The following SCLT1 variants were observed in gnomAD, a reference collection of about 807,000 sequenced individuals.
The protein encoded by SCLT1 is sodium channel-associated protein 1.
In SCLT1, 78 loss-of-function variants were observed where a neutral mutation model predicts 112.8. That is an observed-to-expected ratio of 0.69 (90% confidence interval 0.58 to 0.83). SCLT1 has a LOEUF of 0.83. Among genes scored for constraint, SCLT1 ranks in the 40% least tolerant of loss-of-function variants. SCLT1 has a pLI of 0.00. For synonymous variants in SCLT1, 257 were observed against 254.7 expected (o/e 1.01, Z -0.09); for missense variants, 747 against 770.4 (o/e 0.97, Z 0.36).
At chr4:128,963,314 T>G (rs1739900700) in intron 11 of SCLT1, among the ~76,000 whole-genome samples, 1 of 152,198 alleles carries the variant, frequency 6.6e-6, no homozygotes, top group Admixed American at 6.5e-5. Context: ...TGATAATCCT[T>G]TGTATTTGTT....
At chr4:129,041,707 T>G (rs902776461) in intron 4 of SCLT1, 1 of 152,190 alleles carries the variant, frequency 6.6e-6, no homozygotes, top group Non-Finnish European at 1.5e-5. Context: ...CACAGGCTGA[T>G]TCTGAGGAAA....
intron 19 of SCLT1, among the ~76,000 whole-genome samples, chr4:128,890,558 AAG>A (rs1733230129): frequency 6.6e-6 from 1 of 152,186 alleles, no homozygotes; most frequent in Admixed American, 6.5e-5. Flanking sequence ...ACATCAAATG[AAG>A]AGATCTAAAA....
intron 5 of SCLT1, among the ~76,000 whole-genome samples, chr4:129,015,208 C>T (rs1304715408): frequency 6.6e-6 from 1 of 152,044 alleles, no homozygotes; most frequent in South Asian, 2.1e-4. Flanking sequence ...AACCTGCCCG[C>T]ACAGACATGT....
chr4:129,071,193 T>C (rs940253528), intron 2 of SCLT1, among the ~76,000 whole-genome samples: 1 of 152,138 alleles, frequency 6.6e-6, no homozygotes, highest in African/African-American at 2.4e-5. Context: ...TTTTATGGTC[T>C]ATTGTATGGT....
intron 18 of SCLT1, among the ~76,000 whole-genome samples, chr4:128,917,302 C>T (rs1674975): frequency 0.73 from 110,450 of 151,948 alleles, 40,450 homozygotes; most frequent in African/African-American, 0.82. Flanking sequence ...CACCATCTCA[C>T]ACAAAGTAAT....
At chr4:129,090,744 C>T (rs1041663366) in intron 1 of SCLT1, among the ~76,000 whole-genome samples, 2 of 152,130 alleles carry the variant, frequency 1.3e-5, no homozygotes, top group Non-Finnish European at 2.9e-5. Flanking sequence ...ATGCAAGTAC[C>T]TCTTTGAACA....
At chr4:128,998,227 G>T (rs376997502) in intron 7 of SCLT1, among the ~76,000 whole-genome samples, 2 of 151,854 alleles carry the variant, frequency 1.3e-5, no homozygotes, top group South Asian at 2.1e-4. Context: ...TGAAGAAAGA[G>T]ATCATAAAAA....
intron 14 of SCLT1, among the ~76,000 whole-genome samples, chr4:128,950,264 G>C (rs1738608155): frequency 6.6e-6 from 1 of 152,032 alleles, no homozygotes; most frequent in African/African-American, 2.4e-5. Context: ...TTCTGGGGCT[G>C]GCAAGTGGTA....
At chr4:128,884,633 T>C (rs1005213726) in intron 20 of SCLT1, 94 bp from the exon 21 acceptor site, 8 of 763,006 alleles carry the variant, frequency 1.0e-5, no homozygotes, top group African/African-American at 5.3e-5. Flanking sequence ...CTATAAGTAC[T>C]GAAATGGTCT....
At chr4:128,945,441 A>G (rs1469819396) in intron 16 of SCLT1, among the ~76,000 whole-genome samples, 1 of 152,194 alleles carries the variant, frequency 6.6e-6, no homozygotes, top group Non-Finnish European at 1.5e-5. Flanking sequence ...AAGATCTCTT[A>G]CTAAAAAAAA....
intron 1 of SCLT1, among the ~76,000 whole-genome samples, chr4:129,091,034 C>T (rs59089843): frequency 1.3e-5 from 2 of 151,994 alleles, no homozygotes; most frequent in South Asian, 4.2e-4. Context: ...AACAAAGAGA[C>T]AATCAAGATC....
intron 13 of SCLT1, among the ~76,000 whole-genome samples, chr4:128,953,603 G>GCTAA (rs1436403131): frequency 6.6e-6 from 1 of 151,874 alleles, no homozygotes; most frequent in Non-Finnish European, 1.5e-5. Flanking sequence ...GACCATTCTG[G>GCTAA]CTAACACAGT....
chr4:128,910,045 T>C (rs1209086306), intron 18 of SCLT1, among the ~76,000 whole-genome samples: 1 of 152,310 alleles, frequency 6.6e-6, no homozygotes, highest in South Asian at 2.1e-4. Flanking sequence ...TAGTTAAAGA[T>C]GTGAGGGCCC....
intron 5 of SCLT1, among the ~76,000 whole-genome samples, chr4:129,025,106 C>G (rs1289238083): frequency 6.6e-6 from 1 of 152,132 alleles, no homozygotes; most frequent in Non-Finnish European, 1.5e-5. Context: ...GAGAATGGAA[C>G]CAAGTTGGAA....
At chr4:128,917,043 C>T (rs1003073252) in intron 18 of SCLT1, among the ~76,000 whole-genome samples, 1 of 152,180 alleles carries the variant, frequency 6.6e-6, no homozygotes, top group South Asian at 2.1e-4. Flanking sequence ...GCCACTACGC[C>T]GTGGAGCCCA....
chr4:128,929,077 T>A (rs1026506099), intron 18 of SCLT1, among the ~76,000 whole-genome samples: 163 of 152,320 alleles, frequency 1.1e-3, no homozygotes, highest in African/African-American at 3.6e-3. Context: ...AAACATACAG[T>A]TATTTGAAAG....
At chr4:128,991,232 CAG>C (rs371631831) in intron 9 of SCLT1, among the ~76,000 whole-genome samples, 30 of 151,806 alleles carry the variant, frequency 2.0e-4, no homozygotes, top group African/African-American at 7.0e-4. Flanking sequence ...AAAACAGACA[CAG>C]ATGAACTGAA....
chr4:128,909,744 T>C (rs1228784849), intron 18 of SCLT1, among the ~76,000 whole-genome samples: 3 of 152,346 alleles, frequency 2.0e-5, no homozygotes, highest in Non-Finnish European at 2.9e-5. Flanking sequence ...ACTAGGAATA[T>C]GTCCGAGGGC....
intron 6 of SCLT1, 138 bp downstream of exon 6, chr4:129,003,603 T>C: frequency 1.5e-6 from 1 of 677,018 alleles, no homozygotes. Context: ...TGTTGCTACC[T>C]GTAACGATTC....
Sources: gnomAD v4.1 joint callset for allele counts (sites outside exome capture counted in the v4.1 genomes callset) on GRCh38, gnomAD v4.1.1 for gene constraint, MANE v1.5 for transcripts, NCBI Gene and HGNC (gene_info 2026-07-23, HGNC 2026-07-21) for gene names.